CNTN5: variants seen among roughly 807,000 people sequenced by gnomAD.
CNTN5 encodes the protein contactin-5.
In CNTN5, 77 loss-of-function variants were observed where a neutral mutation model predicts 129.1. The ratio of observed to expected loss-of-function variants is 0.60; its 90% CI spans 0.50 to 0.72. CNTN5 has a LOEUF of 0.72. CNTN5 is among the 30% of genes least tolerant of loss of function. The pLI is 0.00. For synonymous variants in CNTN5, 509 were observed against 465.6 expected, an observed-to-expected ratio of 1.09 and a Z score of -1.20; for missense variants, 1,478 against 1,328.8, an observed-to-expected ratio of 1.11 and a Z score of -1.75.
intron 3 of CNTN5, among the ~76,000 whole-genome samples, chr11:99,756,474 A>G (rs1035147713): frequency 2.0e-5 from 3 of 152,126 alleles, no homozygotes; most frequent in African/African-American, 7.2e-5. Flanking sequence ...AAGAAGTTTC[A>G]GGAAAGGTAG....
chr11:99,402,702 G>C (rs1941874959), intron 2 of CNTN5, among the ~76,000 whole-genome samples: 1 of 152,102 alleles, frequency 6.6e-6, no homozygotes, highest in Admixed American at 6.6e-5. Context: ...ACTGGATTCT[G>C]AGCTTTTCTT....
chr11:99,092,732 C>A (rs1157036787), intron 1 of CNTN5, among the ~76,000 whole-genome samples: 1 of 151,888 alleles, frequency 6.6e-6, no homozygotes, highest in East Asian at 1.9e-4. Flanking sequence ...ATAAAGTAAG[C>A]ATATTACAAA....
chr11:99,954,301 G>A (rs1950746023), intron 7 of CNTN5, among the ~76,000 whole-genome samples: 1 of 152,156 alleles, frequency 6.6e-6, no homozygotes, highest in African/African-American at 2.4e-5. Context: ...ACTACTCACT[G>A]AAGAATCAGA....
chr11:99,579,195 G>A (rs193206988), intron 3 of CNTN5, among the ~76,000 whole-genome samples: 3 of 152,262 alleles, frequency 2.0e-5, no homozygotes, highest in African/African-American at 7.2e-5. Flanking sequence ...TCTATATCCT[G>A]TTTTGGTACC....
intron 4 of CNTN5, among the ~76,000 whole-genome samples, chr11:99,834,817 A>G (rs1339141769): frequency 6.6e-6 from 1 of 152,136 alleles, no homozygotes; most frequent in East Asian, 1.9e-4. Flanking sequence ...AGGAATACAT[A>G]TATATGATTT....
chr11:99,137,720 C>G (rs141315097), intron 1 of CNTN5, among the ~76,000 whole-genome samples: 342 of 152,252 alleles, frequency 2.2e-3, no homozygotes, highest in African/African-American at 7.8e-3. Context: ...TTTAAAAGCT[C>G]AAAGTGCTCT....
intron 2 of CNTN5, among the ~76,000 whole-genome samples, chr11:99,463,980 C>A (rs1158962569): frequency 6.6e-6 from 1 of 152,108 alleles, no homozygotes; most frequent in Non-Finnish European, 1.5e-5. Context: ...TAAAACTATA[C>A]CCTATACTGC....
At chr11:99,807,705 G>C (rs1565554576) in intron 3 of CNTN5, among the ~76,000 whole-genome samples, 1 of 152,016 alleles carries the variant, frequency 6.6e-6, no homozygotes, top group Non-Finnish European at 1.5e-5. Context: ...ATAAAAATTA[G>C]AAAATTACGT....
At chr11:99,508,603 T>C (rs1946715321) in intron 2 of CNTN5, among the ~76,000 whole-genome samples, 1 of 152,108 alleles carries the variant, frequency 6.6e-6, no homozygotes, top group South Asian at 2.1e-4. Context: ...GTATATAAAA[T>C]TACAATCTTT....
chr11:100,158,791 G>T (rs1406000824), intron 13 of CNTN5, among the ~76,000 whole-genome samples: 2 of 151,780 alleles, frequency 1.3e-5, no homozygotes, highest in Non-Finnish European at 2.9e-5. Context: ...ATGTTCCAAG[G>T]ATATGAATAC....
At chr11:100,162,912 C>G (rs964413886) in intron 13 of CNTN5, among the ~76,000 whole-genome samples, 2 of 151,662 alleles carry the variant, frequency 1.3e-5, no homozygotes, top group Admixed American at 1.3e-4. Flanking sequence ...GTCAGAGTAC[C>G]AGATAACTCA....
At chr11:99,621,617 G>A (rs552888036) in intron 3 of CNTN5, among the ~76,000 whole-genome samples, 108 of 152,240 alleles carry the variant, frequency 7.1e-4, no homozygotes, top group African/African-American at 2.5e-3. Context: ...CTTTGAGCAG[G>A]TGAACATTAC....
At chr11:99,087,080 A>T (rs2135303405) in intron 1 of CNTN5, among the ~76,000 whole-genome samples, 1 of 152,206 alleles carries the variant, frequency 6.6e-6, no homozygotes, top group Middle Eastern at 3.4e-3. Context: ...TTCTTTCCTT[A>T]CTGTACTAGG....
chr11:99,496,964 G>C (rs1185541414), intron 2 of CNTN5, among the ~76,000 whole-genome samples: 1 of 152,188 alleles, frequency 6.6e-6, no homozygotes, highest in Non-Finnish European at 1.5e-5. Context: ...CAGAATTCAA[G>C]TATACACTTC....
At chr11:100,105,958 A>C (rs947291517) in intron 13 of CNTN5, among the ~76,000 whole-genome samples, 5 of 152,174 alleles carry the variant, frequency 3.3e-5, no homozygotes, top group African/African-American at 9.6e-5. Context: ...TCTGATGCTT[A>C]ATTATACTAA....
At chr11:100,080,019 C>G (rs1200121060) in intron 13 of CNTN5, among the ~76,000 whole-genome samples, 1 of 152,070 alleles carries the variant, frequency 6.6e-6, no homozygotes, top group African/African-American at 2.4e-5. Flanking sequence ...ACAATCTTAG[C>G]TAAAATGAAG....
At chr11:99,924,858 A>G (rs996325766) in intron 7 of CNTN5, among the ~76,000 whole-genome samples, 1 of 152,136 alleles carries the variant, frequency 6.6e-6, no homozygotes, top group Non-Finnish European at 1.5e-5. Context: ...TTGGTGATTA[A>G]TGAATCTGTT....
intron 23 of CNTN5, among the ~76,000 whole-genome samples, chr11:100,347,324 T>G (rs1952304896): frequency 6.6e-6 from 1 of 152,064 alleles, no homozygotes; most frequent in African/African-American, 2.4e-5. Context: ...TTCTTTTATT[T>G]TGTAGCTCCT....
chr11:99,826,228 AT>A (rs1428268828), intron 4 of CNTN5, among the ~76,000 whole-genome samples: 1 of 151,996 alleles, frequency 6.6e-6, no homozygotes, highest in African/African-American at 2.4e-5. Flanking sequence ...GAAAGGAAGT[AT>A]TTTTATTATG....
Sources: allele counts gnomAD v4.1 joint callset (sites outside exome capture counted in the v4.1 genomes callset), GRCh38; gene constraint gnomAD v4.1.1; transcripts MANE v1.5; gene names NCBI Gene and HGNC (gene_info 2026-07-23, HGNC 2026-07-21).